TTC1: variants seen among roughly 807,000 people sequenced by gnomAD.
TTC1 encodes tetratricopeptide repeat domain 1, also known as tetratricopeptide repeat protein 1.
Under a neutral mutation model 37.6 loss-of-function variants are expected in TTC1, and 31 were observed. The ratio of observed to expected loss-of-function variants is 0.82; its 90% CI spans 0.62 to 1.11. TTC1 has a LOEUF of 1.11. Ranked by LOEUF, TTC1 falls within the 50% of genes most tolerant of loss-of-function variation. TTC1 has a pLI of 0.00. For synonymous variants in TTC1, 127 were observed against 122.4 expected, an observed-to-expected ratio of 1.04 and a Z score of -0.25; for missense variants, 351 against 339.0, an observed-to-expected ratio of 1.04 and a Z score of -0.28.
chr5:160,014,750 G>A (rs1756571235), intron 2 of TTC1, among the ~76,000 whole-genome samples: 1 of 152,078 alleles, frequency 6.6e-6, no homozygotes, highest in African/African-American at 2.4e-5. Context: ...TGGCTAGTAA[G>A]TACCATATTG....
At chr5:160,046,971 C>A (rs1371798080) in intron 5 of TTC1, among the ~76,000 whole-genome samples, 1 of 152,074 alleles carries the variant, frequency 6.6e-6, no homozygotes, top group Admixed American at 6.6e-5. Flanking sequence ...GAGATCACGC[C>A]ATTACACTCC....
intron 2 of TTC1, among the ~76,000 whole-genome samples, chr5:160,013,882 A>T (rs912753596): frequency 6.6e-6 from 1 of 152,128 alleles, no homozygotes; most frequent in African/African-American, 2.4e-5. Context: ...ACTTCATGGG[A>T]TGCAGATACC....
intron 2 of TTC1, among the ~76,000 whole-genome samples, chr5:160,025,400 A>C (rs1756784170): frequency 6.6e-6 from 1 of 152,126 alleles, no homozygotes; most frequent in Non-Finnish European, 1.5e-5. Context: ...GAGCTCAAGC[A>C]ATCCACCCTC....
At chr5:160,060,435 T>A (rs1358742951) in intron 7 of TTC1, among the ~76,000 whole-genome samples, 1 of 152,202 alleles carries the variant, frequency 6.6e-6, no homozygotes, top group Non-Finnish European at 1.5e-5. Flanking sequence ...AGTTCTGTAC[T>A]CTTCTCTTTG....
In TTC1 at chr5:160,040,231, T is replaced by A. The variant is rs548473233; in HGVS notation, c.505-2902T>A. 1.2e-4 allele frequency among the ~76,000 whole-genome samples: 18 copies of A among 152,230 alleles called. No homozygotes were observed. The East Asian group carries it at 3.3e-3, about 28-fold the overall frequency. On this transcript the variant is annotated intron_variant, in intron 4 of 7. Coordinates refer to ENST00000231238, the MANE Select transcript of TTC1 (RefSeq NM_003314.3). ...CAGTATTTTTTAAATGGTGCATCTA[T>A]ATATATAGATACATAAACACACACA...
intron 2 of TTC1, among the ~76,000 whole-genome samples, chr5:160,015,588 A>T (rs1009932912): frequency 6.6e-6 from 1 of 152,174 alleles, no homozygotes; most frequent in South Asian, 2.1e-4. Flanking sequence ...GCACCCAGAG[A>T]GGGCGTGGCA....
intron 2 of TTC1, among the ~76,000 whole-genome samples, chr5:160,030,051 T>G (rs1176687605): frequency 6.6e-6 from 1 of 152,160 alleles, no homozygotes; most frequent in East Asian, 1.9e-4. Flanking sequence ...TTTATTGTGT[T>G]TATAATTTAA....
chr5:160,039,739 A>T (rs1482359798), intron 4 of TTC1, among the ~76,000 whole-genome samples: 1 of 152,210 alleles, frequency 6.6e-6, no homozygotes, highest in Non-Finnish European at 1.5e-5. Flanking sequence ...TGTGTCTTTG[A>T]CTTATAGAAA....
chr5:160,019,073 A>G (rs1264836019), intron 2 of TTC1, among the ~76,000 whole-genome samples: 2 of 152,160 alleles, frequency 1.3e-5, no homozygotes, highest in East Asian at 1.9e-4. Flanking sequence ...AACATTTTTT[A>G]TTTGTAAGCC....
chr5:160,060,560 T>C (rs752745965), intron 7 of TTC1, among the ~76,000 whole-genome samples: 88 of 152,176 alleles, frequency 5.8e-4, no homozygotes, highest in Non-Finnish European at 1.1e-3. Context: ...CCTCATTGAT[T>C]ACTGTCCAGA....
At chr5:160,031,519 C>T (rs1756908710) in intron 2 of TTC1, among the ~76,000 whole-genome samples, 1 of 151,962 alleles carries the variant, frequency 6.6e-6, no homozygotes, top group Non-Finnish European at 1.5e-5. Context: ...GAGGCTGAGG[C>T]ACAAGAATCA....
At chr5:160,048,126 C>CTTTTTTTTTTTTTTTTT (rs56201199) in intron 5 of TTC1, among the ~76,000 whole-genome samples, 1 of 35,570 alleles carries the variant, frequency 2.8e-5, no homozygotes, top group African/African-American at 1.2e-4. Context: ...CAAGACATTG[C>CTTTTTTTTTTTTTTTTT]TTTTTTTTTT....
At chr5:160,054,766 A>G (rs1015709425) in intron 7 of TTC1, among the ~76,000 whole-genome samples, 1 of 152,206 alleles carries the variant, frequency 6.6e-6, no homozygotes, top group Admixed American at 6.5e-5. Context: ...CAGGTTTCAT[A>G]TGGCAGACAC....
intron 7 of TTC1, among the ~76,000 whole-genome samples, chr5:160,064,334 G>A (rs1290125210): frequency 2.0e-5 from 3 of 152,190 alleles, no homozygotes; most frequent in Non-Finnish European, 4.4e-5. Context: ...GGACTATTGA[G>A]GTCTTATTGA....
At chr5:160,019,813 A>G (rs1467176072) in intron 2 of TTC1, among the ~76,000 whole-genome samples, 4 of 148,186 alleles carry the variant, frequency 2.7e-5, no homozygotes, top group Non-Finnish European at 4.5e-5. Flanking sequence ...TCGAACTCAC[A>G]TCATGATCCA....
chr5:160,062,052 A>C (rs536829415), intron 7 of TTC1: 6 of 152,294 alleles, frequency 3.9e-5, no homozygotes, highest in African/African-American at 1.4e-4. Context: ...TGGCCTCTGC[A>C]TGAATGTGCT....
chr5:160,052,160 A>G (rs1757418388), intron 7 of TTC1, among the ~76,000 whole-genome samples: 1 of 151,114 alleles, frequency 6.6e-6, no homozygotes. Flanking sequence ...AGCCTTCCCC[A>G]GATTTTCCAA....
chr5:160,010,567 T>C lies in TTC1; in HGVS notation c.39T>C (p.Asp13=). The stretch of plus-strand genomic sequence containing the variant: ...CAGAGAACTGTGGGGTTCCAGAGGA[T>C]CTGTTAAATGGTTTGAAGGTTACAG... ...EKSENCGVPE[D]LLNGLKVTDT... The change falls in exon 2 of 8, where the codon GAT becomes GAC. Residue 13 remains aspartate (D), a synonymous_variant. Transcript: ENST00000231238. The C allele has an allele frequency of 1.2e-6, 2 of 1,614,020 alleles. No individual in the cohort carries two copies. Among genetic ancestry groups the C allele is most frequent in the Non-Finnish European group, 1.7e-6 (2 of 1,179,990 alleles).
Position 160,057,375 on chromosome 5 carries a change from A to G in TTC1, c.745+6192A>G, listed in dbSNP as rs765266054. Among the ~76,000 whole-genome samples the G allele has an allele frequency of 6.6e-6, 1 of 152,032 alleles. No individual in the cohort carries two copies. The highest frequency in any genetic ancestry group is 2.4e-5 in the African/African-American group (1 of 41,428). On this transcript the variant is annotated intron_variant, in intron 7 of 7. Transcript: ENST00000231238. The surrounding 1 kb of genome is among the most constrained non-coding windows in gnomAD (Gnocchi z 4.4). ...AGAAGTTATGTTTATATAATACTGT[A>G]GTCTACTAAGTATGCAACAGCACTG... is the stretch of plus-strand genomic sequence containing the variant.
Sources: allele counts gnomAD v4.1 joint callset (sites outside exome capture counted in the v4.1 genomes callset), GRCh38; gene constraint gnomAD v4.1.1; non-coding constraint Gnocchi (gnomAD v3.1); transcripts MANE v1.5; gene names NCBI Gene and HGNC (gene_info 2026-07-23, HGNC 2026-07-21).